SPATA21: variants seen among roughly 807,000 people sequenced by gnomAD.
SPATA21 encodes spermatogenesis-associated protein 21.
In SPATA21, 47 loss-of-function variants were observed where a neutral mutation model predicts 54.8. The observed-to-expected ratio is 0.86, with a 90% CI of 0.68 to 1.09. The LOEUF (loss-of-function observed/expected upper bound fraction) is 1.09, where lower values mean the gene tolerates loss of function less well. Among genes scored for constraint, SPATA21 ranks in the 50% least tolerant of loss-of-function variants. The pLI is 0.00. For missense variants in SPATA21, 599 were observed against 596.4 expected (o/e 1.00, Z -0.05); for synonymous variants, 245 against 235.3 (o/e 1.04, Z -0.38).
intron 5 of SPATA21, among the ~76,000 whole-genome samples, chr1:16,413,720 C>T (rs2085920384): frequency 6.6e-6 from 1 of 152,144 alleles, no homozygotes; most frequent in South Asian, 2.1e-4. Flanking sequence ...TCAAGCGATT[C>T]TCCTGCCTCA....
intron 5 of SPATA21, among the ~76,000 whole-genome samples, chr1:16,414,286 C>A (rs1279255254): frequency 6.6e-6 from 1 of 151,976 alleles, no homozygotes; most frequent in Non-Finnish European, 1.5e-5. Context: ...CTAGGCTGGT[C>A]TTGAATTCCT....
At chr1:16,403,488 T>TTTC (rs1557643896) in intron 10 of SPATA21, among the ~76,000 whole-genome samples, 2 of 105,850 alleles carry the variant, frequency 1.9e-5, no homozygotes, top group African/African-American at 5.4e-5. Context: ...TTTTTCTTTT[T>TTTC]TTTCTTTTTT....
intron 3 of SPATA21, chr1:16,431,130 G>T: frequency 7.9e-7 from 1 of 1,259,712 alleles, no homozygotes; most frequent in Non-Finnish European, 1.1e-6. Context: ...TGGGTTTTGT[G>T]TCCATTTTTA....
chr1:16,427,958 G>A (rs771939087), intron 3 of SPATA21: 4 of 1,550,172 alleles, frequency 2.6e-6, no homozygotes, highest in Non-Finnish European at 2.6e-6. Context: ...TCTGGCCCTC[G>A]TGAAGCTGAT....
intron 5 of SPATA21, chr1:16,410,828 GTTCCACCGCGCC>G (rs554386562): frequency 7.9e-4 from 322 of 405,890 alleles, no homozygotes; most frequent in African/African-American, 6.4e-3. Context: ...TGACAAGCGT[GTTCCACCGCGCC>G]CGGCTGAGCC....
At chr1:16,410,763 T>G in intron 5 of SPATA21, 1 of 342,890 alleles carries the variant, frequency 2.9e-6, no homozygotes, top group South Asian at 2.2e-5. Context: ...CCCAGGCTGG[T>G]CTGGAACTCC....
chr1:16,432,236 C>T (rs762540330), intron 2 of SPATA21, among the ~76,000 whole-genome samples: 1 of 151,846 alleles, frequency 6.6e-6, no homozygotes, highest in Non-Finnish European at 1.5e-5. Context: ...ATTCTCCTGC[C>T]TCAGCCTCCC....
chr1:16,416,325 T>C (rs11260752), intron 5 of SPATA21, among the ~76,000 whole-genome samples: 57,731 of 152,050 alleles, frequency 0.38, 11,485 homozygotes, highest in African/African-American at 0.43. Flanking sequence ...AGGTGGGCCT[T>C]GGACCCACCC....
At chr1:16,412,350 C>T (rs1433585136) in intron 5 of SPATA21, among the ~76,000 whole-genome samples, 1 of 152,200 alleles carries the variant, frequency 6.6e-6, no homozygotes, top group Non-Finnish European at 1.5e-5. Context: ...TGCTGCTACC[C>T]AGGCTCGTGT....
intron 12 of SPATA21, 127 bp from the exon 13 acceptor site, chr1:16,398,949 C>G: frequency 9.8e-7 from 1 of 1,022,736 alleles, no homozygotes; most frequent in Non-Finnish European, 1.4e-6. Flanking sequence ...ATGGTGGAAC[C>G]AGCAGTTGTG....
intron 1 of SPATA21, among the ~76,000 whole-genome samples, chr1:16,433,337 C>A (rs558374267): frequency 1.3e-5 from 2 of 152,350 alleles, no homozygotes; most frequent in Admixed American, 1.3e-4. Context: ...ACCTCCCACC[C>A]CTGGTGCAGC....
rs950503352 is a variant in SPATA21 at position 16,421,784 on chromosome 1, C to T, written c.95+127G>A. On this transcript the variant is annotated intron_variant, in intron 4 of 12. Transcript: ENST00000335496. The surrounding 1 kb of genome is among the most constrained non-coding windows in gnomAD (Gnocchi z 5.2). The stretch of plus-strand genomic sequence containing the variant: ...CACAGATGGGGAAATTGAGACCCAG[C>T]GGAGCATGACTTGCCCAAGGTCCTC... 43 of 1,413,278 alleles carry T rather than the reference C, an allele frequency of 3.0e-5. No homozygotes were observed. The highest frequency in any genetic ancestry group is 1.8e-4 in the East Asian group (8 of 43,796). The allele number at this position is 1,413,278 out of a possible 1,614,324, so 87.5% of individuals were successfully genotyped here.
chr1:16,415,902 C>T (rs1482618580), intron 5 of SPATA21, among the ~76,000 whole-genome samples: 2 of 152,166 alleles, frequency 1.3e-5, no homozygotes, highest in Non-Finnish European at 2.9e-5. Context: ...GTTTTGCTCC[C>T]AGCAGGCGCT....
Position 16,410,007 on chromosome 1 carries a change from G to C in SPATA21, c.181C>G (p.Arg61Gly). 6.3e-7 allele frequency: 1 copy of C among 1,582,600 alleles called. No homozygotes were observed. Among genetic ancestry groups the C allele is most frequent in the South Asian group, 1.2e-5 (1 of 84,874 alleles). The change falls in exon 6 of 13, where the codon CGT becomes GGT. Residue 61 changes from arginine (R) to glycine (G), a missense_variant. Transcript: ENST00000335496. The part of the protein sequence containing the change: ...RDIGERREPD[R>G]AQQQPQKPAV... The stretch of plus-strand genomic sequence containing the variant: ...GGCTTCTGAGGCTGCTGCTGCGCAC[G>C]GTCTGGCTCCCGCCTCTCTCCAATG...
At chr1:16,412,183 T>C (rs1008687586) in intron 5 of SPATA21, among the ~76,000 whole-genome samples, 3 of 152,180 alleles carry the variant, frequency 2.0e-5, no homozygotes, top group African/African-American at 7.2e-5. Flanking sequence ...GTCCTTCCCC[T>C]GCTCTGGACT....
intron 3 of SPATA21, among the ~76,000 whole-genome samples, chr1:16,423,412 CA>C (rs1161125061): frequency 0.11 from 6,687 of 59,102 alleles, 255 homozygotes; most frequent in African/African-American, 0.27. Context: ...GACTCCATGT[CA>C]AAAAAAAAAA....
chr1:16,425,596 CT>C, intron 3 of SPATA21: 1 of 1,550,240 alleles, frequency 6.5e-7, no homozygotes, highest in Non-Finnish European at 8.7e-7. Context: ...CCTTGATCTC[CT>C]TTCCGGAGCC....
At chr1:16,420,412 T>C (rs1419237824) in intron 5 of SPATA21, among the ~76,000 whole-genome samples, 1 of 151,752 alleles carries the variant, frequency 6.6e-6, no homozygotes, top group Non-Finnish European at 1.5e-5. Flanking sequence ...TAGTCCCAGC[T>C]ACTCAGGAGG....
At chr1:16,423,211 A>G (rs904544793) in intron 3 of SPATA21, among the ~76,000 whole-genome samples, 1 of 150,660 alleles carries the variant, frequency 6.6e-6, no homozygotes, top group Non-Finnish European at 1.5e-5. Flanking sequence ...TTAGGAGTTC[A>G]GGACCAGCCT....
Sources: gnomAD v4.1 joint callset for allele counts (sites outside exome capture counted in the v4.1 genomes callset) on GRCh38, gnomAD v4.1.1 for gene constraint, Gnocchi (gnomAD v3.1) non-coding constraint, MANE v1.5 for transcripts, NCBI Gene and HGNC (gene_info 2026-07-23, HGNC 2026-07-21) for gene names.